Variants in SYNGR1 observed in about 807,000 individuals in gnomAD.
The protein encoded by SYNGR1 is synaptogyrin 1.
A neutral mutation model predicts 26.1 loss-of-function variants in SYNGR1; 14 were observed. That is an observed-to-expected ratio of 0.54 (90% CI 0.35 to 0.84). The LOEUF is 0.84. Ranked by LOEUF, SYNGR1 falls within the 40% of genes least tolerant of loss-of-function variation. The probability of loss-of-function intolerance (pLI) is 0.01; values close to 1 mark genes in which losing one functional copy is unlikely to be tolerated. For synonymous variants in SYNGR1, 141 were observed against 150.1 expected (o/e 0.94, Z 0.44); for missense variants, 319 against 332.9 (o/e 0.96, Z 0.33).
rs933826048 is a variant in SYNGR1, at chr22:39,382,582, A to G, written c.*668A>G. On this transcript the variant is annotated 3_prime_UTR_variant, in exon 4 of 4. Coordinates refer to ENST00000328933, the MANE Select transcript of SYNGR1 (RefSeq NM_004711.5). ...ACCACGTGCTCTTCCCTGGCCACCC[A>G]CCTCCTACCATCCCCACGCTTGGGG... 6.5e-6 allele frequency: 1 copy of G among 154,870 alleles called. No homozygotes were observed. Among genetic ancestry groups the G allele is most frequent in the African/African-American group, 2.4e-5 (1 of 41,416 alleles). 9.6% of individuals were successfully genotyped at this position (154,870 alleles called of 1,614,324 possible).
At chr22:39,362,762 G>A (rs1294957301) in intron 1 of SYNGR1, among the ~76,000 whole-genome samples, 1 of 152,090 alleles carries the variant, frequency 6.6e-6, no homozygotes, top group Middle Eastern at 3.2e-3. Context: ...CCTGTGCACA[G>A]GGGTGTGCAA....
chr22:39,370,284 C>T (rs547708910), intron 1 of SYNGR1, among the ~76,000 whole-genome samples: 49 of 152,226 alleles, frequency 3.2e-4, no homozygotes, highest in African/African-American at 1.2e-3. Context: ...GCACGTGCCA[C>T]CACGCCCAGC....
chr22:39,363,791 G>A lies in SYNGR1; in HGVS notation c.100-10525G>A, dbSNP rs116187214. On this transcript the variant is annotated intron_variant, in intron 1 of 3. Coordinates refer to ENST00000328933, the MANE Select transcript of SYNGR1 (RefSeq NM_004711.5). ...GGCCAGCTGCCTGGCTGCCTGCACCGCAGGGCAGGGACCAGGGCTCCCCCG... is the reference window on the plus strand; with the variant it reads ...GGCCAGCTGCCTGGCTGCCTGCACCACAGGGCAGGGACCAGGGCTCCCCCG... Among the ~76,000 whole-genome samples the A allele has an allele frequency of 1.7e-3, 255 of 152,220 alleles. 1 individual carries two copies. Among genetic ancestry groups the A allele is most frequent in the African/African-American group, 5.8e-3 (239 of 41,528 alleles).
chr22:39,359,511 G>T (rs1226271966), intron 1 of SYNGR1, among the ~76,000 whole-genome samples: 1 of 151,360 alleles, frequency 6.6e-6, no homozygotes, highest in Non-Finnish European at 1.5e-5. Context: ...GGGGCCTGTA[G>T]TCCCAGCTAC....
rs912903677 is a variant in SYNGR1 at position 39,364,087 on chromosome 22, G to T, written c.100-10229G>T. 2.8e-5 allele frequency: 44 copies of T among 1,579,974 alleles called. No homozygotes were observed. In the African/African-American group the frequency reaches 5.1e-4, roughly 18 times the overall value. On this transcript the variant is annotated intron_variant, in intron 1 of 3. Coordinates refer to ENST00000328933, the MANE Select transcript of SYNGR1 (RefSeq NM_004711.5). ...AGTGGGTCCTAGGCACACCCTGGGT[G>T]GTCTGTCTGCAGAGGGGAGATACCA...
intron 1 of SYNGR1, among the ~76,000 whole-genome samples, chr22:39,368,160 C>A (rs1031007521): frequency 6.6e-6 from 1 of 152,226 alleles, no homozygotes; most frequent in African/African-American, 2.4e-5. Flanking sequence ...GGCAGTCTAG[C>A]CTTCTGGGGC....
chr22:39,363,860 G>A lies in SYNGR1; in HGVS notation c.100-10456G>A, dbSNP rs759528995. Among the ~76,000 whole-genome samples the A allele has an allele frequency of 7.2e-5, 11 of 152,130 alleles. No homozygotes were observed. In the South Asian group the frequency reaches 8.3e-4, roughly 11 times the overall value. Reference sequence around the variant, plus strand: ...TGTTCCTGCGCAGGGCGAGGTAGACGGTTCCATTTGGAGCTGGGAGGACAG... The same window carrying A: ...TGTTCCTGCGCAGGGCGAGGTAGACAGTTCCATTTGGAGCTGGGAGGACAG... On this transcript the variant is annotated intron_variant, in intron 1 of 3. Coordinates refer to ENST00000328933, the MANE Select transcript of SYNGR1 (RefSeq NM_004711.5).
intron 3 of SYNGR1, among the ~76,000 whole-genome samples, chr22:39,379,287 C>T (rs1256981807): frequency 6.6e-6 from 1 of 152,182 alleles, no homozygotes; most frequent in African/African-American, 2.4e-5. Context: ...TTTAAATACC[C>T]ACCTCCCAGA....
At chr22:39,370,434 C>T (rs1041506242) in intron 1 of SYNGR1, among the ~76,000 whole-genome samples, 3 of 151,562 alleles carry the variant, frequency 2.0e-5, no homozygotes, top group South Asian at 2.1e-4. Context: ...CTGGCCTATA[C>T]CCAGCTAATT....
At chr22:39,376,237 T>C in intron 3 of SYNGR1, 40 bp downstream of exon 3, 1 of 1,613,502 alleles carries the variant, frequency 6.2e-7, no homozygotes, top group East Asian at 2.2e-5. Context: ...ACTCGTCCCC[T>C]TTCCCCACTG....
rs1244615953 is a variant in SYNGR1, at chr22:39,383,545, C to T, written c.*1631C>T. The T allele has an allele frequency of 4.6e-5, 7 of 152,434 alleles. No homozygotes were observed. The highest frequency in any genetic ancestry group is 1.7e-4 in the African/African-American group (7 of 41,448). The allele number at this position is 152,434 out of a possible 1,614,324, so 9.4% of individuals were successfully genotyped here. ...GCCCATCCCCCTGTCCACCCAGTGT[C>T]CACTGGCCTGTCCTTCAGGGAGCAG... On this transcript the variant is annotated 3_prime_UTR_variant, in exon 4 of 4. Transcript: ENST00000328933.
At chr22:39,367,954 C>T (rs544407187) in intron 1 of SYNGR1, among the ~76,000 whole-genome samples, 1 of 152,280 alleles carries the variant, frequency 6.6e-6, no homozygotes, top group South Asian at 2.1e-4. Flanking sequence ...CGTACAAAAC[C>T]TTTTCCTGCC....
At chr22:39,369,170 C>CTGGT (rs1924905435) in intron 1 of SYNGR1, among the ~76,000 whole-genome samples, 1 of 152,312 alleles carries the variant, frequency 6.6e-6, no homozygotes, top group South Asian at 2.1e-4. Context: ...GACTGGGCCT[C>CTGGT]AGGTTCCCAA....
In SYNGR1 at chr22:39,350,020, G is replaced by A. The variant is rs1288033640; in HGVS notation, c.10G>A (p.Gly4Ser). The A allele has an allele frequency of 5.1e-6, 7 of 1,365,504 alleles. No homozygotes were observed. The highest frequency in any genetic ancestry group is 3.0e-5 in the African/African-American group (2 of 66,270). The allele number at this position is 1,365,504 out of a possible 1,614,324, so 84.6% of individuals were successfully genotyped here. A position where few individuals can be genotyped will look rare whatever the true frequency, so the allele number is the denominator to read the frequency against. ...CGCGGGTGCAGCCACGATGGAAGGGGGTGCGTACGGAGCGGGCAAAGCCGG... is the reference window on the plus strand; with the variant it reads ...CGCGGGTGCAGCCACGATGGAAGGGAGTGCGTACGGAGCGGGCAAAGCCGG... MEG[G>S]AYGAGKAGGA... Residue 4 changes from glycine (G) to serine (S), a missense_variant, in exon 1 of 4, where the codon GGT (glycine) becomes AGT (serine). Physicochemically the swap from Gly to Ser is moderately conservative, Grantham distance 56 (BLOSUM62 0). Coordinates refer to ENST00000328933, the MANE Select transcript of SYNGR1 (RefSeq NM_004711.5). This position sits in a 1 kb window ranked among gnomAD's most constrained non-coding sequence, Gnocchi z 4.3.
intron 1 of SYNGR1, among the ~76,000 whole-genome samples, chr22:39,358,819 G>A (rs946799939): frequency 2.0e-5 from 3 of 152,180 alleles, no homozygotes; most frequent in African/African-American, 7.2e-5. Flanking sequence ...ATCAGCTGGA[G>A]CCTGGAAGGG....
intron 1 of SYNGR1, among the ~76,000 whole-genome samples, chr22:39,354,299 C>T (rs904655558): frequency 4.6e-5 from 7 of 152,326 alleles, no homozygotes; most frequent in Middle Eastern, 6.8e-3. Flanking sequence ...ATCTTCCCCC[C>T]GTTTTACAAA....
intron 1 of SYNGR1, among the ~76,000 whole-genome samples, chr22:39,358,570 C>A (rs1043340850): frequency 6.6e-6 from 1 of 151,788 alleles, no homozygotes; most frequent in African/African-American, 2.4e-5. Flanking sequence ...ACTCCAGACG[C>A]GCGGCATTAA....
In SYNGR1 at chr22:39,383,829, CTG is replaced by C. The variant is rs1240292646; in HGVS notation, c.*1916_*1917del. 2 of 152,310 alleles carry C rather than the reference CTG, an allele frequency of 1.3e-5. No individual in the cohort carries two copies. The highest frequency in any genetic ancestry group is 1.9e-4 in the East Asian group (1 of 5,194). 9.4% of individuals were successfully genotyped at this position (152,310 alleles called of 1,614,324 possible). A position where few individuals can be genotyped will look rare whatever the true frequency, so the allele number is the denominator to read the frequency against. ...TTATCCCCATTTAACAGAAGGGAAA[CTG>C]AGGCTCGGCAAGCATAGGCGAGTTG... On this transcript the variant is annotated 3_prime_UTR_variant, in exon 4 of 4. Coordinates refer to ENST00000328933, the MANE Select transcript of SYNGR1 (RefSeq NM_004711.5).
chr22:39,374,773 G>A (rs1177372389), intron 2 of SYNGR1: 3 of 610,748 alleles, frequency 4.9e-6, no homozygotes, highest in East Asian at 5.5e-5. Context: ...AGGCAGGGGA[G>A]CGTGGATGGG....
Sources: allele counts gnomAD v4.1 joint callset (sites outside exome capture counted in the v4.1 genomes callset), GRCh38; gene constraint gnomAD v4.1.1; non-coding constraint Gnocchi (gnomAD v3.1); transcripts MANE v1.5; gene names NCBI Gene and HGNC (gene_info 2026-07-23, HGNC 2026-07-21).